Variants in SNX7 observed in about 807,000 individuals in gnomAD.
SNX7 encodes the protein sorting nexin-7.
SNX7 carries 35 observed loss-of-function variants against 48.4 expected under a neutral mutation model. That is an observed-to-expected ratio of 0.72 (90% confidence interval 0.55 to 0.96). The LOEUF (loss-of-function observed/expected upper bound fraction) is 0.96, where lower values mean the gene tolerates loss of function less well. Ranked by LOEUF, SNX7 falls within the 40% of genes least tolerant of loss-of-function variation. SNX7 has a pLI of 0.00. For missense variants in SNX7, 553 were observed against 548.9 expected (o/e 1.01, Z -0.07); for synonymous variants, 190 against 190.2 (o/e 1.00, Z 0.01).
intron 1 of SNX7, among the ~76,000 whole-genome samples, chr1:98,680,419 T>A (rs1191516969): frequency 3.3e-5 from 5 of 152,210 alleles, no homozygotes; most frequent in Admixed American, 1.3e-4. Flanking sequence ...CCCCACTGTC[T>A]TGGGGATTAA....
chr1:98,682,099 ACTTCCTTTTTT>A (rs1557793677), intron 1 of SNX7, among the ~76,000 whole-genome samples: 1 of 150,932 alleles, frequency 6.6e-6, no homozygotes, highest in African/African-American at 2.4e-5. Flanking sequence ...TCCTTCTTTT[ACTTCCTTTTTT>A]TAATTCCCTT....
chr1:98,673,781 A>C (rs1650007927), intron 1 of SNX7, among the ~76,000 whole-genome samples: 1 of 152,250 alleles, frequency 6.6e-6, no homozygotes, highest in African/African-American at 2.4e-5. Flanking sequence ...ATTCACCTGT[A>C]AAATATGGAC....
intron 5 of SNX7, among the ~76,000 whole-genome samples, chr1:98,696,261 T>G (rs985716741): frequency 5.9e-5 from 9 of 152,036 alleles, no homozygotes; most frequent in African/African-American, 2.2e-4. Context: ...TCTAATTGCA[T>G]TTACTTACAT....
At chr1:98,724,166 T>C (rs1653045305) in intron 7 of SNX7, among the ~76,000 whole-genome samples, 1 of 152,142 alleles carries the variant, frequency 6.6e-6, no homozygotes, top group African/African-American at 2.4e-5. Flanking sequence ...CAGAATGATT[T>C]TCTGTGTCTA....
At chr1:98,706,907 T>C (rs1168003739) in intron 7 of SNX7, among the ~76,000 whole-genome samples, 1 of 152,134 alleles carries the variant, frequency 6.6e-6, no homozygotes, top group East Asian at 1.9e-4. Flanking sequence ...GATAATTTTC[T>C]CAGATTTGGA....
chr1:98,695,937 A>C lies in SNX7; in HGVS notation c.838+221A>C, dbSNP rs1277318449. On this transcript the variant is annotated intron_variant, in intron 5 of 8. Transcript: ENST00000306121. ...TCAATCACTAGCTGCTCTACTTCCC[A>C]TTCATAGATAATAGTGGTAAAGTAA... 3.3e-5 allele frequency among the ~76,000 whole-genome samples: 5 copies of C among 152,268 alleles called. No individual in the cohort carries two copies. The South Asian group carries it at 8.3e-4, about 25-fold the overall frequency.
At position 98,716,301 on chromosome 1, in the gene SNX7, G is replaced by A. The variant is rs529587279; in HGVS notation, c.1125+14398G>A. 9.9e-5 allele frequency among the ~76,000 whole-genome samples: 15 copies of A among 152,128 alleles called. No individual in the cohort carries two copies. The South Asian group carries it at 3.1e-3, about 32-fold the overall frequency. ...ATGGTGCCCTCTTCATCCTACTTGG[G>A]CAGTTACTCCCTACTCTAGGCCACT... is the stretch of plus-strand genomic sequence containing the variant. On this transcript the variant is annotated intron_variant, in intron 7 of 8. Transcript: ENST00000306121.
At chr1:98,669,404 C>G (rs903132765) in intron 1 of SNX7, among the ~76,000 whole-genome samples, 1 of 152,160 alleles carries the variant, frequency 6.6e-6, no homozygotes, top group African/African-American at 2.4e-5. Flanking sequence ...CTATGTGTTC[C>G]CAGCAAATCA....
intron 7 of SNX7, among the ~76,000 whole-genome samples, chr1:98,704,499 A>G (rs1331717537): frequency 6.6e-6 from 1 of 152,160 alleles, no homozygotes; most frequent in African/African-American, 2.4e-5. Context: ...TTATGATGGT[A>G]TCTTCAGGAG....
chr1:98,725,727 C>T (rs574450502), intron 7 of SNX7, among the ~76,000 whole-genome samples: 1 of 152,012 alleles, frequency 6.6e-6, no homozygotes, highest in South Asian at 2.1e-4. Flanking sequence ...TATTTACATT[C>T]CATAATTTGC....
chr1:98,687,581 T>G (rs1318315565), intron 2 of SNX7, among the ~76,000 whole-genome samples: 1 of 152,170 alleles, frequency 6.6e-6, no homozygotes, highest in African/African-American at 2.4e-5. Flanking sequence ...AATATATCAG[T>G]GATCAGGATA....
intron 1 of SNX7, among the ~76,000 whole-genome samples, chr1:98,683,852 ATCTGTATTTT>A (rs1406856367): frequency 6.6e-6 from 1 of 152,090 alleles, no homozygotes; most frequent in Non-Finnish European, 1.5e-5. Context: ...TTCACTTGAT[ATCTGTATTTT>A]CATAGGACTT....
intron 7 of SNX7, among the ~76,000 whole-genome samples, chr1:98,735,644 T>C (rs1653735037): frequency 6.6e-6 from 1 of 152,172 alleles, no homozygotes. Flanking sequence ...ATGGTGATGA[T>C]GGTGGTGAGA....
intron 7 of SNX7, among the ~76,000 whole-genome samples, chr1:98,733,133 TG>T (rs1195789661): frequency 3.9e-5 from 6 of 152,146 alleles, no homozygotes; most frequent in African/African-American, 1.4e-4. Flanking sequence ...TGGTTTTGAA[TG>T]TTTATATAAC....
chr1:98,709,896 G>A (rs1652210221), intron 7 of SNX7, among the ~76,000 whole-genome samples: 1 of 151,874 alleles, frequency 6.6e-6, no homozygotes. Flanking sequence ...CTTTAAACTT[G>A]TAGAGTACAA....
chr1:98,677,178 A>C (rs1288736704), intron 1 of SNX7: 1 of 152,238 alleles, frequency 6.6e-6, no homozygotes, highest in Non-Finnish European at 1.5e-5. Context: ...TTATCTTTGC[A>C]TGTGAAAGAA....
chr1:98,668,302 A>G (rs1216937346), intron 1 of SNX7, among the ~76,000 whole-genome samples: 1 of 152,220 alleles, frequency 6.6e-6, no homozygotes, highest in African/African-American at 2.4e-5. Context: ...TCAAGGTCAT[A>G]TAGGGTATTA....
chr1:98,747,968 C>T lies in SNX7; in HGVS notation c.1278+9579C>T, dbSNP rs118084468. Reference sequence around the variant, plus strand: ...ATAAGTCTTAAATATTTTTGTTTTACAGGTTTTTACTTTTTTTTTTTTTTT... The same window carrying T: ...ATAAGTCTTAAATATTTTTGTTTTATAGGTTTTTACTTTTTTTTTTTTTTT... On this transcript the variant is annotated intron_variant, in intron 8 of 8. Coordinates refer to ENST00000306121, the MANE Select transcript of SNX7 (RefSeq NM_015976.5). Among the ~76,000 whole-genome samples the T allele has an allele frequency of 8.7e-4, 121 of 139,434 alleles. 1 individual carries two copies. In the East Asian group the frequency reaches 0.022, roughly 25 times the overall value. The allele number at this position is 139,434 out of a possible 152,430, so 91.5% of individuals were successfully genotyped here.
intron 1 of SNX7, among the ~76,000 whole-genome samples, chr1:98,676,763 A>G (rs1650186885): frequency 1.3e-5 from 2 of 152,250 alleles, no homozygotes; most frequent in Admixed American, 1.3e-4. Context: ...AGAATTTATT[A>G]CATTGTACTA....
Sources: allele counts gnomAD v4.1 joint callset (sites outside exome capture counted in the v4.1 genomes callset), GRCh38; gene constraint gnomAD v4.1.1; transcripts MANE v1.5; gene names NCBI Gene and HGNC (gene_info 2026-07-23, HGNC 2026-07-21).